Variants in PAK1IP1 observed in about 807,000 individuals in gnomAD.
PAK1IP1 encodes p21-activated protein kinase-interacting protein 1.
PAK1IP1 carries 24 observed loss-of-function variants against 42.0 expected under a neutral mutation model. The observed-to-expected ratio is 0.57, with a 90% CI of 0.41 to 0.80. The LOEUF is 0.80. PAK1IP1 is among the 30% of genes least tolerant of loss of function. The probability of loss-of-function intolerance (pLI) is 0.00; values close to 1 mark genes in which losing one functional copy is unlikely to be tolerated. For synonymous variants in PAK1IP1, 154 were observed against 156.7 expected (o/e 0.98, Z 0.13); for missense variants, 411 against 467.9 (o/e 0.88, Z 1.12).
intron 2 of PAK1IP1, 84 bp from the exon 3 acceptor site, chr6:10,702,285 C>G: frequency 9.2e-7 from 1 of 1,084,682 alleles, no homozygotes; most frequent in Non-Finnish European, 1.4e-6. Flanking sequence ...GAGTGTTTTA[C>G]TTAGCATAGC....
At chr6:10,703,033 C>T (rs1770083808) in intron 4 of PAK1IP1, among the ~76,000 whole-genome samples, 1 of 151,984 alleles carries the variant, frequency 6.6e-6, no homozygotes, top group South Asian at 2.1e-4. Context: ...TCTTGATCTC[C>T]TGACCTCATG....
chr6:10,694,903 G>GGTTT, upstream of PAK1IP1: 1 of 622,100 alleles, frequency 1.6e-6, no homozygotes, highest in African/African-American at 2.3e-5. Flanking sequence ...GGAGTCAGGT[G>GGTTT]TTTTTTTTTT....
At chr6:10,694,592 GCC>G, upstream of PAK1IP1, 4 of 180,834 alleles carry the variant, frequency 2.2e-5, no homozygotes, top group South Asian at 1.9e-4. Flanking sequence ...CGGCGCTACA[GCC>G]CCTAAGCAAC....
At chr6:10,707,718 C>G (rs1040946413) in intron 8 of PAK1IP1, among the ~76,000 whole-genome samples, 6 of 152,126 alleles carry the variant, frequency 3.9e-5, no homozygotes, top group African/African-American at 9.7e-5. Flanking sequence ...TGGTGGGATC[C>G]CAGAACTCGC....
chr6:10,708,646 A>G (rs1162878055), intron 8 of PAK1IP1, among the ~76,000 whole-genome samples: 1 of 151,700 alleles, frequency 6.6e-6, no homozygotes, highest in East Asian at 1.9e-4. Flanking sequence ...TCGTCATTTA[A>G]CATTAGGTGT....
At chr6:10,694,587 C>T (rs377226767), upstream of PAK1IP1, 13 of 170,674 alleles carry the variant, frequency 7.6e-5, no homozygotes, top group African/African-American at 1.2e-4. Flanking sequence ...GCTGCCGGCG[C>T]TACAGCCCCT....
At chr6:10,692,836 G>T (rs1769463559), upstream of PAK1IP1, among the ~76,000 whole-genome samples, 2 of 152,120 alleles carry the variant, frequency 1.3e-5, no homozygotes, top group South Asian at 4.1e-4. Context: ...GAAAGATTTT[G>T]GAAGAGTGAA....
upstream of PAK1IP1, among the ~76,000 whole-genome samples, chr6:10,693,176 G>A (rs78623750): frequency 5.7e-3 from 874 of 152,234 alleles, 8 homozygotes; most frequent in African/African-American, 0.02. Flanking sequence ...TTAAGATTAT[G>A]AGGTCCAGCC....
intron 2 of PAK1IP1, among the ~76,000 whole-genome samples, chr6:10,698,053 A>G (rs1353528257): frequency 1.3e-5 from 2 of 152,214 alleles, no homozygotes. Flanking sequence ...TTGGGCAGGT[A>G]AAGTTTGCAA....
intron 5 of PAK1IP1, among the ~76,000 whole-genome samples, chr6:10,704,238 T>C (rs1431455732): frequency 6.6e-6 from 1 of 152,158 alleles, no homozygotes; most frequent in Non-Finnish European, 1.5e-5. Context: ...TTTGCCAGGC[T>C]GGTCTCAAAC....
At chr6:10,693,347 T>C (rs1011943058), upstream of PAK1IP1, among the ~76,000 whole-genome samples, 1 of 152,268 alleles carries the variant, frequency 6.6e-6, no homozygotes, top group Non-Finnish European at 1.5e-5. Context: ...AGAGATCTTT[T>C]GTCTCCATGC....
intron 2 of PAK1IP1, among the ~76,000 whole-genome samples, chr6:10,700,438 C>T (rs2127479569): frequency 6.6e-6 from 1 of 152,338 alleles, no homozygotes; most frequent in Middle Eastern, 3.4e-3. Context: ...TCACCATCAC[C>T]TCCTAAAGGT....
chr6:10,694,589 ACAGCCCC>A, upstream of PAK1IP1: 4 of 178,136 alleles, frequency 2.2e-5, no homozygotes, highest in Admixed American at 1.8e-4. Flanking sequence ...TGCCGGCGCT[ACAGCCCC>A]TAAGCAACCG....
chr6:10,705,105 A>C (rs1042205647), intron 7 of PAK1IP1, among the ~76,000 whole-genome samples: 17 of 152,288 alleles, frequency 1.1e-4, no homozygotes, highest in Non-Finnish European at 1.9e-4. Flanking sequence ...CGGGCGGATC[A>C]GGAGGTCAAG....
chr6:10,698,230 A>G (rs1001162607), intron 2 of PAK1IP1, among the ~76,000 whole-genome samples: 1 of 151,864 alleles, frequency 6.6e-6, no homozygotes, highest in Non-Finnish European at 1.5e-5. Context: ...GCAATATCTG[A>G]CTTTATTGAG....
At chr6:10,702,701 A>G (rs746084055) in intron 4 of PAK1IP1, 62 bp downstream of exon 4, 5 of 1,157,306 alleles carry the variant, frequency 4.3e-6, no homozygotes, top group South Asian at 2.5e-5. Flanking sequence ...GCTCTCCACC[A>G]TCTAAAAATA....
chr6:10,699,049 C>T (rs2127479092), intron 2 of PAK1IP1, among the ~76,000 whole-genome samples: 1 of 151,860 alleles, frequency 6.6e-6, no homozygotes, highest in African/African-American at 2.4e-5. Flanking sequence ...AAATACATAA[C>T]CTTAGCTGGG....
Position 10,709,341 on chromosome 6 carries a change from T to C in PAK1IP1, c.1068T>C (p.Gly356=), listed in dbSNP as rs1166275625. The change falls in exon 10 of 10, where the codon GGT becomes GGC. Residue 356 remains glycine, a synonymous_variant. Transcript: ENST00000379568. ...ACACAAAGAAACGCGGTTTAACAGG[T>C]GACAGTAAGAAAGCAACAAAAGAAA... ...KPNTKKRGLT[G]DSKKATKESG... 2 of 1,613,448 alleles carry C rather than the reference T, an allele frequency of 1.2e-6. No individual in the cohort carries two copies. The highest frequency in any genetic ancestry group is 2.7e-5 in the African/African-American group (2 of 74,734).
At chr6:10,703,044 A>C (rs1770084762) in intron 4 of PAK1IP1, among the ~76,000 whole-genome samples, 1 of 152,050 alleles carries the variant, frequency 6.6e-6, no homozygotes, top group South Asian at 2.1e-4. Flanking sequence ...TGACCTCATG[A>C]TCCGCCCGCC....
Sources: gnomAD v4.1 joint callset for allele counts (sites outside exome capture counted in the v4.1 genomes callset) on GRCh38, gnomAD v4.1.1 for gene constraint, MANE v1.5 for transcripts, NCBI Gene and HGNC (gene_info 2026-07-23, HGNC 2026-07-21) for gene names.